RGL1: variants seen among roughly 807,000 people sequenced by gnomAD.
The protein encoded by RGL1 is ral guanine nucleotide dissociation stimulator-like 1.
RGL1 carries 24 observed loss-of-function variants against 95.2 expected under a neutral mutation model. That is an observed-to-expected ratio of 0.25 (90% CI 0.18 to 0.35). The LOEUF (loss-of-function observed/expected upper bound fraction) is 0.35. Among genes scored for constraint, RGL1 ranks in the 10% least tolerant of loss-of-function variants. RGL1 has a pLI of 1.00. For synonymous variants in RGL1, 329 were observed against 344.9 expected (o/e 0.95, Z 0.51); for missense variants, 715 against 936.3 (o/e 0.76, Z 3.08).
chr1:183,819,633 G>C (rs1038950193), intron 2 of RGL1, among the ~76,000 whole-genome samples: 1 of 152,054 alleles, frequency 6.6e-6, no homozygotes, highest in South Asian at 2.1e-4. Flanking sequence ...TTAAAATTAA[G>C]TGTTCTGATG....
chr1:183,686,143 A>G (rs1405421158), intron 1 of RGL1, among the ~76,000 whole-genome samples: 1 of 152,174 alleles, frequency 6.6e-6, no homozygotes, highest in East Asian at 1.9e-4. Flanking sequence ...ATGCCGAATC[A>G]ACATTATTTT....
intron 3 of RGL1, among the ~76,000 whole-genome samples, chr1:183,849,088 T>A (rs920194864): frequency 2.0e-5 from 3 of 152,178 alleles, no homozygotes; most frequent in African/African-American, 7.2e-5. Flanking sequence ...AAAAAATTTT[T>A]TTTTTCTATT....
intron 2 of RGL1, among the ~76,000 whole-genome samples, chr1:183,792,760 C>G (rs560348275): frequency 6.6e-6 from 1 of 152,058 alleles, no homozygotes; most frequent in African/African-American, 2.4e-5. Flanking sequence ...TGAAAGATCT[C>G]TGCAATGAAA....
At chr1:183,773,006 A>C (rs1659369876) in intron 2 of RGL1, among the ~76,000 whole-genome samples, 1 of 114,716 alleles carries the variant, frequency 8.7e-6, no homozygotes, top group Admixed American at 1.1e-4. Flanking sequence ...ACAGAGCAAG[A>C]CTCCGTCTCA....
intron 2 of RGL1, among the ~76,000 whole-genome samples, chr1:183,832,566 A>G (rs1663334081): frequency 1.3e-5 from 2 of 152,190 alleles, no homozygotes; most frequent in Non-Finnish European, 2.9e-5. Flanking sequence ...TATTGATGGT[A>G]AGTGAAGGAT....
intron 1 of RGL1, among the ~76,000 whole-genome samples, chr1:183,700,640 G>A (rs1163881157): frequency 6.6e-6 from 1 of 151,208 alleles, no homozygotes; most frequent in Non-Finnish European, 1.5e-5. Context: ...CTGCCTCCCG[G>A]GTTCAAGTGA....
intron 1 of RGL1, among the ~76,000 whole-genome samples, chr1:183,658,434 G>A (rs538263502): frequency 1.0e-3 from 154 of 152,248 alleles, no homozygotes; most frequent in African/African-American, 3.5e-3. Flanking sequence ...AGGGTCCTAC[G>A]CCCACGGAGT....
intron 3 of RGL1, among the ~76,000 whole-genome samples, chr1:183,852,945 T>C (rs943973373): frequency 6.6e-6 from 1 of 152,210 alleles, no homozygotes; most frequent in Non-Finnish European, 1.5e-5. Context: ...TTGGCACAAG[T>C]ATCTAGAGTT....
intron 1 of RGL1, among the ~76,000 whole-genome samples, chr1:183,730,570 T>A (rs1433976483): frequency 6.6e-6 from 1 of 152,170 alleles, no homozygotes; most frequent in Non-Finnish European, 1.5e-5. Context: ...TTCAATTTCC[T>A]CTGTGGTTAC....
chr1:183,668,201 G>T (rs1054677419), intron 1 of RGL1, among the ~76,000 whole-genome samples: 2 of 151,822 alleles, frequency 1.3e-5, no homozygotes, highest in African/African-American at 4.8e-5. Flanking sequence ...CATTCTCTTT[G>T]AAGAACTTTT....
chr1:183,891,733 GTTTTTTTTTTTTTTTTT>G (rs57974956), intron 8 of RGL1, among the ~76,000 whole-genome samples: 1 of 123,946 alleles, frequency 8.1e-6, no homozygotes, highest in Non-Finnish European at 1.7e-5. Flanking sequence ...GTGTGTAACA[GTTTTTTTTTTTTTTTTT>G]TTTTTTTTTT....
At chr1:183,701,290 C>T (rs1926837) in intron 1 of RGL1, among the ~76,000 whole-genome samples, 67,772 of 151,956 alleles carry the variant, frequency 0.45, 16,374 homozygotes, top group East Asian at 0.76. Flanking sequence ...TTCTCTGAAG[C>T]CTTAAGGTAA....
At chr1:183,651,706 C>T (rs1161504020) in intron 1 of RGL1, among the ~76,000 whole-genome samples, 1 of 152,156 alleles carries the variant, frequency 6.6e-6, no homozygotes, top group East Asian at 1.9e-4. Flanking sequence ...TTGTTTTTTC[C>T]TTAGTACTAT....
At position 183,928,455 on chromosome 1, in the gene RGL1, C is replaced by T. The variant is rs956170552; in HGVS notation, c.*2163C>T. 9.8e-5 allele frequency: 15 copies of T among 152,642 alleles called. No homozygotes were observed. Among genetic ancestry groups the T allele is most frequent in the African/African-American group, 3.6e-4 (15 of 41,440 alleles). The allele number at this position is 152,642 out of a possible 1,614,324, so 9.5% of individuals were successfully genotyped here. On this transcript the variant is annotated 3_prime_UTR_variant, in exon 18 of 18. Transcript: ENST00000360851. The stretch of plus-strand genomic sequence containing the variant: ...TCGCATGCTTGTCTTTCTGCATCTC[C>T]ATCATCTGTTTACCTTTTGGTTAAA...
At chr1:183,849,483 G>A (rs3010057) in intron 3 of RGL1, among the ~76,000 whole-genome samples, 18,311 of 119,200 alleles carry the variant, frequency 0.15, 2,241 homozygotes, top group East Asian at 0.26. Flanking sequence ...CCAGTTTTTA[G>A]TTTTTTTTTT....
chr1:183,904,761 GGTA>G, intron 12 of RGL1, 86 bp from the exon 13 acceptor site: 2 of 1,319,220 alleles, frequency 1.5e-6, no homozygotes, highest in Non-Finnish European at 2.1e-6. Context: ...ATCCTAATGT[GGTA>G]TATTTTCATG....
intron 2 of RGL1, among the ~76,000 whole-genome samples, chr1:183,845,225 G>A (rs7529125): frequency 0.017 from 2,578 of 152,242 alleles, 66 homozygotes; most frequent in African/African-American, 0.054. Context: ...GCGATTGTTC[G>A]CATCACTTAG....
intron 12 of RGL1, 121 bp downstream of exon 12, chr1:183,902,721 A>G (rs1475407681): frequency 5.9e-6 from 5 of 854,276 alleles, no homozygotes; most frequent in African/African-American, 3.4e-5. Context: ...AACGTTTATC[A>G]TATACCATTT....
intron 1 of RGL1, chr1:183,710,253 C>T (rs962534750): frequency 5.8e-6 from 1 of 172,408 alleles, no homozygotes; most frequent in Non-Finnish European, 1.3e-5. Context: ...TCCTGCCTGC[C>T]TCCCCCGCAC....
Sources: allele counts gnomAD v4.1 joint callset (sites outside exome capture counted in the v4.1 genomes callset), GRCh38; gene constraint gnomAD v4.1.1; transcripts MANE v1.5; gene names NCBI Gene and HGNC (gene_info 2026-07-23, HGNC 2026-07-21).